Variants in AIG1 observed in about 807,000 individuals in gnomAD.
The protein encoded by AIG1 is androgen induced 1, also known as androgen-induced gene 1 protein.
AIG1 carries 23 observed loss-of-function variants against 31.4 expected under a neutral mutation model. That is an observed-to-expected ratio of 0.73 (90% CI 0.53 to 1.04). The LOEUF (loss-of-function observed/expected upper bound fraction) is 1.04. AIG1 is among the 50% of genes least tolerant of loss of function. AIG1 has a pLI of 0.00. For synonymous variants in AIG1, 100 were observed against 110.5 expected, an observed-to-expected ratio of 0.90 and a Z score of 0.60; for missense variants, 274 against 295.0, an observed-to-expected ratio of 0.93 and a Z score of 0.52.
chr6:143,284,178 C>A lies in AIG1; in HGVS notation c.468C>A (p.Ser156Arg), dbSNP rs1797535813. The change falls in exon 4 of 6, where the codon AGC (serine) becomes AGA (arginine). Residue 156 changes from serine to arginine, a missense_variant. Coordinates refer to ENST00000357847, the MANE Select transcript of AIG1 (RefSeq NM_016108.4). The surrounding 1 kb of genome is among the most constrained non-coding windows in gnomAD (Gnocchi z 4.4). ...RTSHHQYPSR[S>R]SGLTAICTFS... ...CGCACCATCAGTATCCCAGCAGGAGCAGCGGACTTACCGCCATATGTACCT... is the reference window on the plus strand; with the variant it reads ...CGCACCATCAGTATCCCAGCAGGAGAAGCGGACTTACCGCCATATGTACCT... 6.2e-7 allele frequency: 1 copy of A among 1,613,972 alleles called. No individual in the cohort carries two copies. The highest frequency in any genetic ancestry group is 8.5e-7 in the Non-Finnish European group (1 of 1,179,980).
intron 2 of AIG1, among the ~76,000 whole-genome samples, chr6:143,159,579 A>G (rs1431839610): frequency 3.9e-5 from 6 of 152,248 alleles, no homozygotes; most frequent in Admixed American, 2.6e-4. Flanking sequence ...GAGGAATTCC[A>G]TGTCATGCTT....
chr6:143,277,385 A>G (rs1797013257), intron 3 of AIG1, among the ~76,000 whole-genome samples: 1 of 152,198 alleles, frequency 6.6e-6, no homozygotes, highest in African/African-American at 2.4e-5. Context: ...CTTCGTAGGC[A>G]AGTCCAGTCA....
intron 4 of AIG1, among the ~76,000 whole-genome samples, chr6:143,302,178 CTT>C (rs1798872146): frequency 6.7e-6 from 1 of 149,274 alleles, no homozygotes; most frequent in Non-Finnish European, 1.5e-5. Flanking sequence ...GAAACTAACA[CTT>C]TTATTTTTTT....
At chr6:143,336,015 C>T (rs1363433864) in intron 5 of AIG1, among the ~76,000 whole-genome samples, 2 of 151,580 alleles carry the variant, frequency 1.3e-5, no homozygotes, top group African/African-American at 2.4e-5. Flanking sequence ...AGATGACTAA[C>T]TTTCCCTCGT....
intron 3 of AIG1, among the ~76,000 whole-genome samples, chr6:143,173,282 T>G (rs1039116431): frequency 6.6e-6 from 1 of 152,204 alleles, no homozygotes; most frequent in Non-Finnish European, 1.5e-5. Flanking sequence ...AGACTGGTCT[T>G]GAACTCCTGA....
At chr6:143,142,868 G>A (rs974919667) in intron 2 of AIG1, among the ~76,000 whole-genome samples, 1 of 152,130 alleles carries the variant, frequency 6.6e-6, no homozygotes, top group African/African-American at 2.4e-5. Context: ...AATCTCAAAT[G>A]CAAACTCAAA....
intron 3 of AIG1, among the ~76,000 whole-genome samples, chr6:143,210,464 A>G (rs1318221171): frequency 6.6e-6 from 1 of 152,246 alleles, no homozygotes; most frequent in Non-Finnish European, 1.5e-5. Flanking sequence ...CAAAGGAAAG[A>G]TGAAAAGTAG....
intron 4 of AIG1, among the ~76,000 whole-genome samples, chr6:143,307,933 G>A (rs565102276): frequency 8.0e-4 from 122 of 152,270 alleles, no homozygotes; most frequent in African/African-American, 2.4e-3. Context: ...CCCCAGCCTC[G>A]CTGCCGCCTT....
intron 3 of AIG1, among the ~76,000 whole-genome samples, chr6:143,249,554 TTAGA>T (rs899208191): frequency 3.9e-5 from 6 of 152,326 alleles, no homozygotes; most frequent in Admixed American, 3.3e-4. Flanking sequence ...CAATAACAAC[TTAGA>T]TAGCCTCCCA....
chr6:143,319,938 G>T (rs1027277444), intron 4 of AIG1, among the ~76,000 whole-genome samples: 4 of 152,040 alleles, frequency 2.6e-5, no homozygotes, highest in African/African-American at 9.7e-5. Context: ...GCAACTTATG[G>T]CATGGGAGAA....
chr6:143,167,676 TA>T (rs1364000984), intron 3 of AIG1, among the ~76,000 whole-genome samples: 1 of 152,218 alleles, frequency 6.6e-6, no homozygotes, highest in Admixed American at 6.5e-5. Flanking sequence ...TTTGATGTCT[TA>T]AAACTCTTAC....
chr6:143,335,199 C>A (rs1777381700), intron 5 of AIG1: 1 of 1,222,274 alleles, frequency 8.2e-7, no homozygotes, highest in Non-Finnish European at 1.1e-6. Flanking sequence ...TCTGTTAGGC[C>A]TACATCGTGG....
rs1160953454 is a variant in AIG1 at position 143,297,256 on chromosome 6, T to C, written c.515+13031T>C. Among the ~76,000 whole-genome samples, 3 of 152,118 alleles carry C rather than the reference T, an allele frequency of 2.0e-5. No homozygotes were observed. The highest frequency in any genetic ancestry group is 4.4e-5 in the Non-Finnish European group (3 of 68,026). On this transcript the variant is annotated intron_variant, in intron 4 of 5. Transcript: ENST00000357847. The surrounding 1 kb of genome is among the most constrained non-coding windows in gnomAD (Gnocchi z 5.1). ...TCCCAGGCAGAAAAAGCAGATGGCC[T>C]AGAAGCAACGGAGAGGAAACCATAG...
intron 4 of AIG1, among the ~76,000 whole-genome samples, chr6:143,316,718 G>T (rs1775774026): frequency 1.3e-5 from 2 of 151,922 alleles, no homozygotes; most frequent in African/African-American, 4.8e-5. Flanking sequence ...GAAACAAAAA[G>T]CTGTTTCCTT....
chr6:143,204,945 C>T (rs890734704), intron 3 of AIG1, among the ~76,000 whole-genome samples: 2 of 152,128 alleles, frequency 1.3e-5, no homozygotes, highest in Non-Finnish European at 2.9e-5. Context: ...TACCCACCAT[C>T]CATGTCTTTT....
chr6:143,170,587 GTT>G (rs35615915), intron 3 of AIG1, among the ~76,000 whole-genome samples: 149 of 147,080 alleles, frequency 1.0e-3, no homozygotes, highest in African/African-American at 3.2e-3. Flanking sequence ...AAAAAAACAA[GTT>G]TTTTTTTTTT....
chr6:143,061,144 G>A lies in AIG1; in HGVS notation c.141+78G>A, dbSNP rs573276101. On this transcript the variant is annotated intron_variant, in intron 1 of 5. Coordinates refer to ENST00000357847, the MANE Select transcript of AIG1 (RefSeq NM_016108.4). ...TGTGTGTGTGTGTGTGTGTGTGTGT[G>A]TGTGGATGCGCGAGCACCTGCGCAC... is the stretch of plus-strand genomic sequence containing the variant. 1.7e-5 allele frequency: 26 copies of A among 1,535,440 alleles called. No homozygotes were observed. In the East Asian group the frequency reaches 5.6e-4, roughly 33 times the overall value.
At chr6:143,169,347 G>A (rs1251634665) in intron 3 of AIG1, among the ~76,000 whole-genome samples, 2 of 151,942 alleles carry the variant, frequency 1.3e-5, no homozygotes, top group African/African-American at 4.8e-5. Context: ...TAGTTACAGG[G>A]TACAGAGTGA....
intron 3 of AIG1, among the ~76,000 whole-genome samples, chr6:143,207,367 T>C (rs1424105679): frequency 6.6e-6 from 1 of 152,184 alleles, no homozygotes; most frequent in East Asian, 1.9e-4. Flanking sequence ...TGAAGATTTG[T>C]GGCACCACTG....
Sources: allele counts gnomAD v4.1 joint callset (sites outside exome capture counted in the v4.1 genomes callset), GRCh38; gene constraint gnomAD v4.1.1; non-coding constraint Gnocchi (gnomAD v3.1); transcripts MANE v1.5; gene names NCBI Gene and HGNC (gene_info 2026-07-23, HGNC 2026-07-21).